Variants in FYN observed in about 807,000 individuals in gnomAD.
The protein encoded by FYN is tyrosine-protein kinase Fyn.
A neutral mutation model predicts 70.2 loss-of-function variants in FYN; 10 were observed. The ratio of observed to expected loss-of-function variants is 0.14; its 90% CI spans 0.09 to 0.24. FYN has a LOEUF of 0.24. Ranked by LOEUF, FYN falls within the 10% of genes least tolerant of loss-of-function variation. The probability of loss-of-function intolerance (pLI) is 1.00; values close to 1 mark genes in which losing one functional copy is unlikely to be tolerated. For missense variants in FYN, 319 were observed against 673.1 expected (o/e 0.47, Z 5.82); for synonymous variants, 236 against 248.6 (o/e 0.95, Z 0.48).
chr6:111,663,112 A>G (rs12191154), intron 13 of FYN, among the ~76,000 whole-genome samples: 11,748 of 152,092 alleles, frequency 0.077, 583 homozygotes, highest in Non-Finnish European at 0.11. Flanking sequence ...TTTTCATTGT[A>G]TCACCTTCTG....
At chr6:111,702,836 A>T (rs1332915571) in intron 8 of FYN, 49 bp downstream of exon 8, 1 of 1,588,570 alleles carries the variant, frequency 6.3e-7, no homozygotes, top group Non-Finnish European at 8.6e-7. Context: ...GGGCCTATCC[A>T]CTCCCTCCAG....
chr6:111,772,727 A>T (rs907478336), intron 3 of FYN, among the ~76,000 whole-genome samples: 5 of 152,092 alleles, frequency 3.3e-5, no homozygotes, highest in African/African-American at 1.2e-4. Context: ...CCAGAGTGTA[A>T]GGCACTGTAT....
chr6:111,815,845 T>G (rs1772472755), intron 2 of FYN, among the ~76,000 whole-genome samples: 1 of 151,992 alleles, frequency 6.6e-6, no homozygotes, highest in East Asian at 1.9e-4. Flanking sequence ...GCCTCACAGC[T>G]GAGACTACAG....
chr6:111,726,321 G>C (rs988819416), intron 3 of FYN, among the ~76,000 whole-genome samples: 4 of 152,228 alleles, frequency 2.6e-5, no homozygotes, highest in Admixed American at 2.6e-4. Context: ...GCACCATGGG[G>C]ATGATGGCTC....
chr6:111,678,106 ATATGTGTGTGTGTG>A (rs1368340004), intron 12 of FYN, among the ~76,000 whole-genome samples: 1 of 118,552 alleles, frequency 8.4e-6, no homozygotes, highest in Admixed American at 7.4e-5. Context: ...GAAGGCCATA[ATATGTGTGTGTGTG>A]TGTGTGTGTG....
chr6:111,701,557 ATT>A (rs1196292520), intron 8 of FYN, among the ~76,000 whole-genome samples: 4 of 151,910 alleles, frequency 2.6e-5, no homozygotes, highest in Non-Finnish European at 5.9e-5. Flanking sequence ...CGTGAGATGG[ATT>A]TTTTTTCCCC....
chr6:111,698,811 G>C (rs548257175), intron 9 of FYN, among the ~76,000 whole-genome samples: 1 of 152,120 alleles, frequency 6.6e-6, no homozygotes, highest in Admixed American at 6.5e-5. Context: ...CCAGCCGGGC[G>C]TGGTGGCTCA....
At chr6:111,807,627 T>A (rs546065562) in intron 2 of FYN, among the ~76,000 whole-genome samples, 1 of 152,292 alleles carries the variant, frequency 6.6e-6, no homozygotes, top group East Asian at 1.9e-4. Flanking sequence ...GGTGCTATGT[T>A]ATCAGGTTCT....
At position 111,763,774 on chromosome 6, in the gene FYN, A is replaced by C. The variant is rs534831483; in HGVS notation, c.-12+16792T>G. ...GCTTAGGGGGAAAAGCATGCTTTTC[A>C]AACATGAGTGTGAATGCTTGCTTGA... On this transcript the variant is annotated intron_variant, in intron 3 of 13. Transcript: ENST00000354650. Among the ~76,000 whole-genome samples, 325 of 152,294 alleles carry C rather than the reference A, an allele frequency of 2.1e-3. 3 individuals carry two copies. The highest frequency in any genetic ancestry group is 0.015 in the South Asian group (71 of 4,830).
chr6:111,858,662 C>T (rs1773883943), intron 1 of FYN, among the ~76,000 whole-genome samples: 1 of 152,000 alleles, frequency 6.6e-6, no homozygotes, highest in East Asian at 1.9e-4. Context: ...TGTCGTTGAC[C>T]ATGTTCTGTC....
intron 12 of FYN, among the ~76,000 whole-genome samples, chr6:111,689,689 A>C (rs1799216862): frequency 6.6e-6 from 1 of 152,220 alleles, no homozygotes. Context: ...GTAATACTAT[A>C]GGATTCATGT....
chr6:111,844,410 C>A (rs912198014), intron 2 of FYN, among the ~76,000 whole-genome samples: 5 of 152,202 alleles, frequency 3.3e-5, no homozygotes, highest in African/African-American at 1.2e-4. Context: ...ATATTAGATT[C>A]TTCTGGATAG....
chr6:111,786,865 T>C (rs1326539783), intron 2 of FYN, among the ~76,000 whole-genome samples: 1 of 152,236 alleles, frequency 6.6e-6, no homozygotes, highest in Non-Finnish European at 1.5e-5. Context: ...AATGTCTTCT[T>C]TTGAGAAGTG....
At chr6:111,676,014 C>G (rs1435941274) in intron 12 of FYN, among the ~76,000 whole-genome samples, 2 of 151,958 alleles carry the variant, frequency 1.3e-5, no homozygotes, top group Admixed American at 6.6e-5. Context: ...GCTTAAGGAG[C>G]TCCTGAAAAT....
At chr6:111,830,212 G>A (rs760627832) in intron 2 of FYN, among the ~76,000 whole-genome samples, 3 of 152,148 alleles carry the variant, frequency 2.0e-5, no homozygotes, top group South Asian at 2.1e-4. Flanking sequence ...GATGCCCAAC[G>A]ATGGCTTGTT....
chr6:111,744,801 C>T (rs1029282441), intron 3 of FYN, among the ~76,000 whole-genome samples: 1 of 152,010 alleles, frequency 6.6e-6, no homozygotes, highest in Non-Finnish European at 1.5e-5. Context: ...GAGGAAAAAA[C>T]CCCCAAAATA....
At chr6:111,789,467 T>C (rs968211798) in intron 2 of FYN, among the ~76,000 whole-genome samples, 2 of 152,180 alleles carry the variant, frequency 1.3e-5, no homozygotes, top group Non-Finnish European at 2.9e-5. Context: ...TTTCATATTA[T>C]TATTACTATA....
At chr6:111,670,245 G>T (rs1230448601) in intron 13 of FYN, among the ~76,000 whole-genome samples, 1 of 152,176 alleles carries the variant, frequency 6.6e-6, no homozygotes, top group Non-Finnish European at 1.5e-5. Flanking sequence ...CTCCAGCCAT[G>T]CTGGCCTCCT....
chr6:111,802,048 A>G (rs953687465), intron 2 of FYN, among the ~76,000 whole-genome samples: 1 of 152,244 alleles, frequency 6.6e-6, no homozygotes, highest in Non-Finnish European at 1.5e-5. Context: ...ACAATGCAAT[A>G]CTGATATGGT....
Sources: allele counts gnomAD v4.1 joint callset (sites outside exome capture counted in the v4.1 genomes callset), GRCh38; gene constraint gnomAD v4.1.1; transcripts MANE v1.5; gene names NCBI Gene and HGNC (gene_info 2026-07-23, HGNC 2026-07-21).